Variants in EHMT1 observed in about 807,000 individuals in gnomAD.
EHMT1 encodes histone-lysine N-methyltransferase EHMT1.
Under a neutral mutation model 147.2 loss-of-function variants are expected in EHMT1, and 15 were observed. The ratio of observed to expected loss-of-function variants is 0.10; its 90% CI spans 0.07 to 0.16. The LOEUF is 0.16. Ranked by LOEUF, EHMT1 falls within the 10% of genes least tolerant of loss-of-function variation. The pLI is 1.00. For synonymous variants in EHMT1, 795 were observed against 709.6 expected (o/e 1.12, Z -1.91); for missense variants, 1,587 against 1,772.4 (o/e 0.90, Z 1.88).
intron 25 of EHMT1, among the ~76,000 whole-genome samples, chr9:137,821,595 G>A (rs1955427888): frequency 6.6e-6 from 1 of 152,122 alleles, no homozygotes; most frequent in Admixed American, 6.5e-5. Context: ...GCTTCCCAAA[G>A]CACTGGGATT....
Position 137,811,607 on chromosome 9 carries a change from C to G in EHMT1, c.2859C>G (p.Asp953Glu), listed in dbSNP as rs1483688461. 6.2e-7 allele frequency: 1 copy of G among 1,601,406 alleles called. No individual in the cohort carries two copies. The highest frequency in any genetic ancestry group is 1.7e-5 in the Admixed American group (1 of 60,008). The change falls in exon 19 of 27, where the codon GAC becomes GAG. Residue 953 changes from aspartate to glutamate, a missense_variant. Asp to Glu is a conservative substitution (Grantham distance 45). This residue lies in a region of EHMT1 where 201 missense variants were observed against 350.1 expected (regional missense o/e 0.57). Transcript: ENST00000460843. ...TTGCCGCCCGGGAGAACCGCTACGA[C>G]TGTGTCGTGTGAGTGCAGTGCTTCC... ...LHIAARENRYDCVVLFLSRDS... is the reference protein window; with the variant it reads ...LHIAARENRYECVVLFLSRDS...
At chr9:137,829,247 G>GA (rs1315381616) in intron 25 of EHMT1, among the ~76,000 whole-genome samples, 5 of 152,190 alleles carry the variant, frequency 3.3e-5, no homozygotes, top group African/African-American at 1.2e-4. Flanking sequence ...AAAAATAGAA[G>GA]AAAAATGTTT....
At chr9:137,623,399 G>C (rs531944837) in intron 1 of EHMT1, among the ~76,000 whole-genome samples, 114 of 151,480 alleles carry the variant, frequency 7.5e-4, no homozygotes, top group African/African-American at 2.7e-3. Flanking sequence ...TGGGGTTTGC[G>C]TGTCTGAAAA....
At chr9:137,674,245 A>G (rs1011309155) in intron 1 of EHMT1, among the ~76,000 whole-genome samples, 1 of 152,182 alleles carries the variant, frequency 6.6e-6, no homozygotes, top group Non-Finnish European at 1.5e-5. Context: ...CGCCTGCACC[A>G]GGGCCTCCTG....
At chr9:137,653,210 T>C (rs1938055328) in intron 1 of EHMT1, among the ~76,000 whole-genome samples, 1 of 152,186 alleles carries the variant, frequency 6.6e-6, no homozygotes, top group Non-Finnish European at 1.5e-5. Flanking sequence ...TATACTGTAT[T>C]TTTATTGTAC....
At chr9:137,816,451 T>C (rs1954926758) in intron 23 of EHMT1, 1 of 341,608 alleles carries the variant, frequency 2.9e-6, no homozygotes. Context: ...TCTCTGGGCT[T>C]CCCTAACAGT....
At chr9:137,742,521 T>G (rs1427305936) in intron 4 of EHMT1, among the ~76,000 whole-genome samples, 1 of 152,150 alleles carries the variant, frequency 6.6e-6, no homozygotes. Flanking sequence ...CAGTGGCTTT[T>G]AGATCTGTTT....
chr9:137,823,647 G>T, intron 25 of EHMT1: 1 of 186,744 alleles, frequency 5.4e-6, no homozygotes, highest in South Asian at 7.0e-5. Flanking sequence ...TCCTGACCTC[G>T]TGATCCGCCC....
intron 15 of EHMT1, chr9:137,784,229 C>T (rs373391578): frequency 1.3e-6 from 2 of 1,542,336 alleles, no homozygotes. Context: ...CACAGCCTTG[C>T]TGTGGACCAG....
rs1954640186 is a variant in EHMT1, at chr9:137,813,264, A to G, written c.3035+91A>G. The G allele has an allele frequency of 1.3e-6, 2 of 1,563,034 alleles. No individual in the cohort carries two copies. The highest frequency in any genetic ancestry group is 1.9e-5 in the Admixed American group (1 of 53,632). On this transcript the variant is annotated intron_variant, in intron 20 of 26. Transcript: ENST00000460843. This position sits in a 1 kb window ranked among gnomAD's most constrained non-coding sequence, Gnocchi z 4.9. ...TGAAAGCTGCTCCTGAAGCCGAAAC[A>G]TCCCCAGGCTGCAGTCCAAATTGTC... is the stretch of plus-strand genomic sequence containing the variant.
chr9:137,724,357 G>C (rs1946384641), intron 3 of EHMT1, among the ~76,000 whole-genome samples: 1 of 152,158 alleles, frequency 6.6e-6, no homozygotes, highest in Non-Finnish European at 1.5e-5. Context: ...GGGAAGGGCT[G>C]CCCTCCCAGA....
intron 1 of EHMT1, among the ~76,000 whole-genome samples, chr9:137,679,157 G>A (rs1367800697): frequency 3.3e-4 from 50 of 152,206 alleles, no homozygotes. Flanking sequence ...CACCATGTTG[G>A]CCAGGCTGGT....
intron 24 of EHMT1, 131 bp downstream of exon 24, chr9:137,817,656 A>G (rs767164298): frequency 9.2e-6 from 11 of 1,193,862 alleles, no homozygotes; most frequent in Non-Finnish European, 1.3e-5. Context: ...GGTGGGGGCC[A>G]CAGAGACCCT....
At position 137,800,959 on chromosome 9, in the gene EHMT1, G is replaced by A. The variant is rs1953427756; in HGVS notation, c.2687G>A (p.Gly896Asp). Residue 896 changes from glycine to aspartate, a missense_variant, in exon 18 of 27, where the codon GGC (glycine) becomes GAC (aspartate). Physicochemically the swap from Gly to Asp is moderately conservative, Grantham distance 94. This residue lies in a region of EHMT1 where 201 missense variants were observed against 350.1 expected (regional missense o/e 0.57). Coordinates refer to ENST00000460843, the MANE Select transcript of EHMT1 (RefSeq NM_024757.5). ...VDLVKLLLSK[G>D]SDINIRDNEE... Reference sequence around the variant, plus strand: ...CTCGTGAAGCTGCTGCTGTCCAAGGGCTCTGACATCAACATCCGAGACAAC... The same window carrying A: ...CTCGTGAAGCTGCTGCTGTCCAAGGACTCTGACATCAACATCCGAGACAAC... The A allele has an allele frequency of 1.9e-6, 3 of 1,614,172 alleles. No homozygotes were observed. The highest frequency in any genetic ancestry group is 1.7e-5 in the Admixed American group (1 of 60,028).
chr9:137,685,948 T>TAGTCAGTC lies in EHMT1; in HGVS notation c.22-25009_22-25002dup, dbSNP rs112214743. On this transcript the variant is annotated intron_variant, in intron 1 of 26. Transcript: ENST00000460843. ...TGCGTTGTAAGATTATTCATTTATT[T>TAGTCAGTC]AGTCAGTCAGTCAGTCACGGGATCT... Among the ~76,000 whole-genome samples, 19 of 151,782 alleles carry TAGTCAGTC rather than the reference T, an allele frequency of 1.3e-4. 1 individual carries two copies. Among genetic ancestry groups the TAGTCAGTC allele is most frequent in the Non-Finnish European group, 1.9e-4 (13 of 67,940 alleles).
intron 1 of EHMT1, among the ~76,000 whole-genome samples, chr9:137,649,458 TCAAA>T (rs113684662): frequency 0.22 from 33,657 of 149,968 alleles, 4,308 homozygotes; most frequent in African/African-American, 0.35. Flanking sequence ...AGACTCCGAC[TCAAA>T]CAAACAAACA....
In EHMT1 at chr9:137,790,952, G is replaced by A. The variant is rs574513122; in HGVS notation, c.2487G>A (p.Gly829=). The A allele has an allele frequency of 1.2e-6, 2 of 1,614,162 alleles. No homozygotes were observed. Among genetic ancestry groups the A allele is most frequent in the East Asian group, 4.5e-5 (2 of 44,886 alleles). The stretch of plus-strand genomic sequence containing the variant: ...CAGTGAAGTACCTCATCAAGGCTGG[G>A]GCCCTGGTGGATCCCAAGGTATGTT... ...LEAVKYLIKA[G]ALVDPKDAEG... Residue 829 remains glycine (G), a synonymous_variant, in exon 16 of 27, where the codon GGG becomes GGA. Transcript: ENST00000460843.
At chr9:137,758,249 C>T (rs1300059413) in intron 9 of EHMT1, among the ~76,000 whole-genome samples, 2 of 152,228 alleles carry the variant, frequency 1.3e-5, no homozygotes, top group Admixed American at 1.3e-4. Flanking sequence ...CCAAGCATGG[C>T]CCAGCGTGGC....
chr9:137,689,951 A>G (rs992575914), intron 1 of EHMT1, among the ~76,000 whole-genome samples: 1 of 152,206 alleles, frequency 6.6e-6, no homozygotes, highest in African/African-American at 2.4e-5. Flanking sequence ...AACTCTGGTC[A>G]GTCGTGGTGA....
Sources: allele counts gnomAD v4.1 joint callset (sites outside exome capture counted in the v4.1 genomes callset), GRCh38; gene constraint gnomAD v4.1.1; regional missense constraint gnomAD v4.1.1; non-coding constraint Gnocchi (gnomAD v3.1); transcripts MANE v1.5; gene names NCBI Gene and HGNC (gene_info 2026-07-23, HGNC 2026-07-21).